The following DLG1 variants were observed in gnomAD, a reference collection of about 807,000 sequenced individuals.
The protein encoded by DLG1 is disks large homolog 1.
Under a neutral mutation model 123.4 loss-of-function variants are expected in DLG1, and 42 were observed. The ratio of observed to expected loss-of-function variants is 0.34; its 90% CI spans 0.27 to 0.44. The LOEUF is 0.44. Among genes scored for constraint, DLG1 ranks in the 20% least tolerant of loss-of-function variants. The pLI is 1.00. For synonymous variants in DLG1, 317 were observed against 356.2 expected (o/e 0.89, Z 1.24); for missense variants, 942 against 1,082.6 (o/e 0.87, Z 1.82).
intron 4 of DLG1, among the ~76,000 whole-genome samples, chr3:197,248,470 A>G (rs1220341601): frequency 1.3e-5 from 2 of 151,818 alleles, no homozygotes; most frequent in East Asian, 1.9e-4. Flanking sequence ...TGAGCCCCCA[A>G]ATTTGTTAGA....
intron 24 of DLG1, among the ~76,000 whole-genome samples, chr3:197,046,906 AAAACAAAACG>A (rs1261008724): frequency 6.6e-6 from 1 of 151,206 alleles, no homozygotes; most frequent in Non-Finnish European, 1.5e-5. Flanking sequence ...AACGAAACAA[AAAACAAAACG>A]AAACAAAAAA....
chr3:197,213,537 A>G (rs1732394795), intron 4 of DLG1, among the ~76,000 whole-genome samples: 1 of 152,226 alleles, frequency 6.6e-6, no homozygotes, highest in Non-Finnish European at 1.5e-5. Flanking sequence ...CTTTACACAG[A>G]CACAGCTCAA....
chr3:197,116,745 A>G (rs542158204), intron 12 of DLG1, among the ~76,000 whole-genome samples: 4 of 152,322 alleles, frequency 2.6e-5, no homozygotes, highest in Middle Eastern at 3.4e-3. Context: ...TGGTTTGGAC[A>G]TATTATAATC....
intron 13 of DLG1, among the ~76,000 whole-genome samples, chr3:197,109,393 A>G (rs1274210153): frequency 6.6e-6 from 1 of 152,164 alleles, no homozygotes; most frequent in African/African-American, 2.4e-5. Flanking sequence ...ACAAACAAAC[A>G]TTTTATAAGA....
In DLG1 at chr3:197,066,723, T is replaced by C. The variant is rs1254405583; in HGVS notation, c.2079A>G (p.Glu693=). ...RGQEEYVLSY[E]PVNQQEVNYT... Reference sequence around the variant, plus strand: ...ACAAACCTTCTTGTTGATTCACTGGTTCATAAGATAAGACGTATTCTTCTT... The same window carrying C: ...ACAAACCTTCTTGTTGATTCACTGGCTCATAAGATAAGACGTATTCTTCTT... Residue 693 remains glutamate (E), a synonymous_variant, in exon 20 of 25, where the codon GAA becomes GAG. Coordinates refer to ENST00000667157, the MANE Select transcript of DLG1 (RefSeq NM_001366207.1). 5 of 1,606,344 alleles carry C rather than the reference T, an allele frequency of 3.1e-6. No individual in the cohort carries two copies. In the South Asian group the frequency reaches 5.5e-5, roughly 18 times the overall value.
chr3:197,090,010 C>G (rs1475111103), intron 15 of DLG1, among the ~76,000 whole-genome samples: 1 of 151,698 alleles, frequency 6.6e-6, no homozygotes, highest in African/African-American at 2.4e-5. Flanking sequence ...TAAGTCATAT[C>G]ATATGTAAAC....
chr3:197,148,502 T>C (rs2149740921), intron 6 of DLG1, among the ~76,000 whole-genome samples: 1 of 149,506 alleles, frequency 6.7e-6, no homozygotes, highest in East Asian at 1.9e-4. Context: ...CTAAAGAACA[T>C]TATTGAAAGG....
intron 5 of DLG1, among the ~76,000 whole-genome samples, chr3:197,186,491 T>A (rs1716103998): frequency 6.6e-6 from 1 of 152,182 alleles, no homozygotes; most frequent in Non-Finnish European, 1.5e-5. Flanking sequence ...GATAATATAA[T>A]CTATAGAATT....
intron 4 of DLG1, among the ~76,000 whole-genome samples, chr3:197,229,579 G>C (rs74692491): frequency 6.6e-6 from 1 of 151,580 alleles, no homozygotes; most frequent in Non-Finnish European, 1.5e-5. Context: ...TCCTGGCCTC[G>C]TTGGATATTA....
intron 14 of DLG1, among the ~76,000 whole-genome samples, chr3:197,103,641 C>T (rs1484791489): frequency 1.3e-5 from 2 of 150,804 alleles, no homozygotes; most frequent in Non-Finnish European, 2.9e-5. Context: ...GTTACTAAGC[C>T]TAAAAGGCCA....
At chr3:197,258,372 T>C in intron 4 of DLG1, among the ~76,000 whole-genome samples, 1 of 142,896 alleles carries the variant, frequency 7.0e-6, no homozygotes, top group Non-Finnish European at 1.5e-5. Flanking sequence ...CACAACCTTG[T>C]CATTTGCAAA....
chr3:197,230,055 A>G (rs1023383762), intron 4 of DLG1, among the ~76,000 whole-genome samples: 4 of 152,356 alleles, frequency 2.6e-5, no homozygotes, highest in African/African-American at 2.4e-5. Flanking sequence ...AGTCAAGTCC[A>G]AAGTCCTTAC....
At chr3:197,270,032 T>G (rs1027144919) in intron 4 of DLG1, among the ~76,000 whole-genome samples, 1 of 152,182 alleles carries the variant, frequency 6.6e-6, no homozygotes, top group Non-Finnish European at 1.5e-5. Flanking sequence ...AAGGCTAAAG[T>G]TGGAAGAATG....
intron 11 of DLG1, among the ~76,000 whole-genome samples, chr3:197,122,162 C>T (rs1442967016): frequency 6.6e-6 from 1 of 151,796 alleles, no homozygotes; most frequent in African/African-American, 2.4e-5. Flanking sequence ...TTTTTCCCCC[C>T]ACAAATGAAT....
chr3:197,263,107 G>A (rs1175032171), intron 4 of DLG1, among the ~76,000 whole-genome samples: 2 of 152,180 alleles, frequency 1.3e-5, no homozygotes, highest in Non-Finnish European at 2.9e-5. Context: ...TGATATCTAA[G>A]TACTGACTAG....
At chr3:197,198,285 C>T (rs571408275) in intron 4 of DLG1, among the ~76,000 whole-genome samples, 64 of 152,138 alleles carry the variant, frequency 4.2e-4, no homozygotes, top group African/African-American at 1.4e-3. Flanking sequence ...GTCAGGAGTT[C>T]GAGACTAGCC....
chr3:197,071,738 G>C (rs1744073693), intron 18 of DLG1, among the ~76,000 whole-genome samples: 1 of 152,172 alleles, frequency 6.6e-6, no homozygotes, highest in Admixed American at 6.6e-5. Flanking sequence ...ACCACAAAGA[G>C]TGTCTCTGCC....
intron 11 of DLG1, among the ~76,000 whole-genome samples, chr3:197,124,637 G>A (rs1310761799): frequency 1.3e-5 from 2 of 152,002 alleles, no homozygotes; most frequent in Non-Finnish European, 2.9e-5. Context: ...AGACACAGGT[G>A]CAATAATAGT....
intron 17 of DLG1, among the ~76,000 whole-genome samples, chr3:197,077,145 C>T (rs946761715): frequency 1.3e-5 from 2 of 151,560 alleles, no homozygotes; most frequent in Admixed American, 6.6e-5. Flanking sequence ...TTTGTGGCTA[C>T]GATGAGCTAA....
Sources: allele counts gnomAD v4.1 joint callset (sites outside exome capture counted in the v4.1 genomes callset), GRCh38; gene constraint gnomAD v4.1.1; transcripts MANE v1.5; gene names NCBI Gene and HGNC (gene_info 2026-07-23, HGNC 2026-07-21).